MKX: variants seen among roughly 807,000 people sequenced by gnomAD.
The protein encoded by MKX is homeobox protein Mohawk.
A neutral mutation model predicts 36.0 loss-of-function variants in MKX; 13 were observed. The ratio of observed to expected loss-of-function variants is 0.36; its 90% CI spans 0.24 to 0.57. The LOEUF (loss-of-function observed/expected upper bound fraction) is 0.57. Among genes scored for constraint, MKX ranks in the 20% least tolerant of loss-of-function variants. The pLI is 0.79. For synonymous variants in MKX, 176 were observed against 178.3 expected (o/e 0.99, Z 0.10); for missense variants, 458 against 456.4 (o/e 1.00, Z -0.03).
intron 5 of MKX, among the ~76,000 whole-genome samples, chr10:27,700,723 T>C (rs941083675): frequency 3.3e-5 from 5 of 152,152 alleles, no homozygotes; most frequent in African/African-American, 1.2e-4. Context: ...CAGATTTTCA[T>C]TGCATTTCGT....
rs945107284 is a variant in MKX, at chr10:27,709,348, C to G, written c.838+25108G>C. On this transcript the variant is annotated intron_variant, in intron 5 of 6. Transcript: ENST00000419761. ...AGGATACAGGGGGATGCGTGCAGGT[C>G]ACATGCAAATACTATGCCATTTTAC... Among the ~76,000 whole-genome samples, 15 of 152,056 alleles carry G rather than the reference C, an allele frequency of 9.9e-5. 1 individual carries two copies. The highest frequency in any genetic ancestry group is 9.8e-4 in the Admixed American group (15 of 15,272).
At chr10:27,688,280 A>C (rs572321299) in intron 5 of MKX, among the ~76,000 whole-genome samples, 10 of 152,340 alleles carry the variant, frequency 6.6e-5, no homozygotes, top group Non-Finnish European at 7.4e-5. Context: ...CAGAAAAATT[A>C]GTGTTATTCG....
intron 5 of MKX, among the ~76,000 whole-genome samples, chr10:27,702,361 TG>T (rs2132528566): frequency 1.3e-5 from 2 of 152,260 alleles, no homozygotes; most frequent in South Asian, 4.1e-4. Context: ...GATGCCTGCA[TG>T]GGAGGTGCAG....
intron 3 of MKX, among the ~76,000 whole-genome samples, chr10:27,738,024 T>G: frequency 6.6e-6 from 1 of 152,240 alleles, no homozygotes; most frequent in South Asian, 2.1e-4. Flanking sequence ...GAGTCATATC[T>G]CTTTTAAGTT....
chr10:27,711,507 C>T (rs56013705), intron 5 of MKX, among the ~76,000 whole-genome samples: 9,663 of 34,852 alleles, frequency 0.28, 837 homozygotes, highest in Non-Finnish European at 0.35. Flanking sequence ...TCTTTCCTTC[C>T]TTCCTTCCTT....
chr10:27,742,923 C>A lies in MKX; in HGVS notation c.188+305G>T, dbSNP rs1286772641. Reference sequence around the variant, plus strand: ...CAGCCGCGCACCGGCACCCACAGTCCGGAGAGGGGCAAATAACCCCCAACT... The same window carrying A: ...CAGCCGCGCACCGGCACCCACAGTCAGGAGAGGGGCAAATAACCCCCAACT... On this transcript the variant is annotated intron_variant, in intron 2 of 6. Coordinates refer to ENST00000419761, the MANE Select transcript of MKX (RefSeq NM_173576.3). The surrounding 1 kb of genome is among the most constrained non-coding windows in gnomAD (Gnocchi z 4.2). 6.6e-6 allele frequency among the ~76,000 whole-genome samples: 1 copy of A among 152,224 alleles called. No homozygotes were observed. Among genetic ancestry groups the A allele is most frequent in the South Asian group, 2.1e-4 (1 of 4,838 alleles).
chr10:27,731,694 G>T (rs1165021459), intron 5 of MKX, among the ~76,000 whole-genome samples: 3 of 151,274 alleles, frequency 2.0e-5, no homozygotes, highest in African/African-American at 7.3e-5. Flanking sequence ...AATAGAATTT[G>T]GCAAATGAAT....
intron 5 of MKX, among the ~76,000 whole-genome samples, chr10:27,713,600 T>C (rs866718096): frequency 2.0e-5 from 3 of 152,186 alleles, no homozygotes; most frequent in Non-Finnish European, 4.4e-5. Flanking sequence ...CCTCCCACCC[T>C]GCATGAAAGC....
intron 3 of MKX, among the ~76,000 whole-genome samples, chr10:27,736,725 A>C (rs1834787586): frequency 6.6e-6 from 1 of 152,088 alleles, no homozygotes; most frequent in Non-Finnish European, 1.5e-5. Context: ...AAAAAATCTC[A>C]AATTATACTT....
rs1208014016 is a variant in MKX at position 27,742,740 on chromosome 10, G to A, written c.188+488C>T. On this transcript the variant is annotated intron_variant, in intron 2 of 6. Transcript: ENST00000419761. This position sits in a 1 kb window ranked among gnomAD's most constrained non-coding sequence, Gnocchi z 4.2. ...GCTCACGCCCGGGACTCCCTGGCGG[G>A]AGGCGACCTTCCCGACTCCTTGGGC... is the stretch of plus-strand genomic sequence containing the variant. 1.3e-5 allele frequency among the ~76,000 whole-genome samples: 2 copies of A among 152,056 alleles called. No homozygotes were observed. Among genetic ancestry groups the A allele is most frequent in the East Asian group, 3.9e-4 (2 of 5,130 alleles).
chr10:27,705,371 T>C (rs1392734824), intron 5 of MKX, among the ~76,000 whole-genome samples: 1 of 152,212 alleles, frequency 6.6e-6, no homozygotes, highest in African/African-American at 2.4e-5. Context: ...GTTTGTTTTA[T>C]ACAGAGTGAG....
At chr10:27,721,833 G>A (rs1252572704) in intron 5 of MKX, among the ~76,000 whole-genome samples, 2 of 152,092 alleles carry the variant, frequency 1.3e-5, no homozygotes, top group East Asian at 3.8e-4. Context: ...AAGTTTGATA[G>A]AATACAATAG....
At chr10:27,743,101 G>T in intron 2 of MKX, 127 bp downstream of exon 2, 2 of 884,256 alleles carry the variant, frequency 2.3e-6, no homozygotes, top group Non-Finnish European at 3.1e-6. Flanking sequence ...GGGCAGACCT[G>T]CACTCCCAGG....
At chr10:27,716,781 A>G (rs888246772) in intron 5 of MKX, among the ~76,000 whole-genome samples, 3 of 152,134 alleles carry the variant, frequency 2.0e-5, no homozygotes, top group Admixed American at 2.0e-4. Flanking sequence ...CTGCCACATG[A>G]TCTATGCTGG....
At chr10:27,692,668 A>G (rs1836475837) in intron 5 of MKX, among the ~76,000 whole-genome samples, 1 of 152,238 alleles carries the variant, frequency 6.6e-6, no homozygotes, top group African/African-American at 2.4e-5. Context: ...AACCTAACAT[A>G]GAATTTCTTT....
intron 3 of MKX, among the ~76,000 whole-genome samples, chr10:27,739,477 A>C (rs963309233): frequency 6.6e-6 from 1 of 152,108 alleles, no homozygotes; most frequent in African/African-American, 2.4e-5. Flanking sequence ...AGTGTTTTGA[A>C]TGAAAATTTC....
At chr10:27,692,071 T>C (rs2132511145) in intron 5 of MKX, among the ~76,000 whole-genome samples, 1 of 152,356 alleles carries the variant, frequency 6.6e-6, no homozygotes, top group South Asian at 2.1e-4. Context: ...ATATACCCAC[T>C]AATGGGATTG....
intron 5 of MKX, among the ~76,000 whole-genome samples, chr10:27,713,688 T>C (rs1471106537): frequency 6.6e-6 from 1 of 152,178 alleles, no homozygotes; most frequent in Non-Finnish European, 1.5e-5. Context: ...AGGTACTTTC[T>C]ACAGTACACA....
chr10:27,675,627 T>C (rs1168364986), intron 5 of MKX, 73 bp from the exon 6 acceptor site: 2 of 1,398,408 alleles, frequency 1.4e-6, no homozygotes, highest in African/African-American at 2.9e-5. Context: ...GTTTCATCAC[T>C]AATGACCAGA....
Sources: allele counts gnomAD v4.1 joint callset (sites outside exome capture counted in the v4.1 genomes callset), GRCh38; gene constraint gnomAD v4.1.1; non-coding constraint Gnocchi (gnomAD v3.1); transcripts MANE v1.5; gene names NCBI Gene and HGNC (gene_info 2026-07-23, HGNC 2026-07-21).